EVL: variants seen among roughly 807,000 people sequenced by gnomAD.
EVL encodes the protein ena/VASP-like protein.
Under a neutral mutation model 59.6 loss-of-function variants are expected in EVL, and 21 were observed. The observed-to-expected ratio is 0.35, with a 90% CI of 0.25 to 0.51. The LOEUF is 0.51. Among genes scored for constraint, EVL ranks in the 20% least tolerant of loss-of-function variants. EVL has a pLI of 0.97. For synonymous variants in EVL, 198 were observed against 203.5 expected, an observed-to-expected ratio of 0.97 and a Z score of 0.23; for missense variants, 462 against 546.6, an observed-to-expected ratio of 0.85 and a Z score of 1.54.
chr14:100,007,608 C>T (rs2060990839), intron 1 of EVL, among the ~76,000 whole-genome samples: 1 of 152,206 alleles, frequency 6.6e-6, no homozygotes, highest in African/African-American at 2.4e-5. Context: ...GAGTGACTGG[C>T]CAAGGGGCCT....
At chr14:100,019,989 A>G (rs1761789582) in intron 1 of EVL, among the ~76,000 whole-genome samples, 1 of 152,130 alleles carries the variant, frequency 6.6e-6, no homozygotes. Context: ...GTGAATACAG[A>G]ATAGCAACTG....
At chr14:99,986,851 C>T (rs150315913) in intron 1 of EVL, among the ~76,000 whole-genome samples, 1 of 152,272 alleles carries the variant, frequency 6.6e-6, no homozygotes, top group African/African-American at 2.4e-5. Context: ...AAAGTACCCA[C>T]ATACAAAAGA....
At chr14:100,061,923 G>C (rs553803742), upstream of EVL, among the ~76,000 whole-genome samples, 1 of 152,044 alleles carries the variant, frequency 6.6e-6, no homozygotes, top group East Asian at 1.9e-4. Flanking sequence ...AGAGGAAAAG[G>C]AGGGGTTGGT....
chr14:99,991,701 C>T (rs780403506), intron 1 of EVL, among the ~76,000 whole-genome samples: 20 of 151,750 alleles, frequency 1.3e-4, no homozygotes, highest in Non-Finnish European at 2.5e-4. Flanking sequence ...TCGGGGTAAA[C>T]GCAGCAACCA....
chr14:100,065,867 C>T (rs1218740331), intron 1 of EVL, among the ~76,000 whole-genome samples: 1 of 152,166 alleles, frequency 6.6e-6, no homozygotes, highest in East Asian at 1.9e-4. Flanking sequence ...TTGGTGAGTC[C>T]TGGCCCTTCT....
chr14:100,129,444 T>A, intron 6 of EVL, 119 bp from the exon 7 acceptor site: 5 of 1,448,494 alleles, frequency 3.5e-6, no homozygotes, highest in Non-Finnish European at 4.7e-6. Flanking sequence ...CTGAGGCCCC[T>A]TGCAGTGCTG....
chr14:100,038,383 A>G (rs762167637), intron 1 of EVL, among the ~76,000 whole-genome samples: 3 of 152,156 alleles, frequency 2.0e-5, no homozygotes, highest in Non-Finnish European at 4.4e-5. Flanking sequence ...AGAATATTTA[A>G]TTCTGACTTG....
chr14:100,061,181 A>G (rs1237254415), upstream of EVL, among the ~76,000 whole-genome samples: 1 of 152,074 alleles, frequency 6.6e-6, no homozygotes, highest in African/African-American at 2.4e-5. Flanking sequence ...CCTTGAGACC[A>G]GGAGTTTGAG....
rs1006130913 is a variant in EVL, at chr14:100,143,598, G to T, written c.1220-103G>T. 6.2e-5 allele frequency: 87 copies of T among 1,408,244 alleles called. 1 individual carries two copies. Among genetic ancestry groups the T allele is most frequent in the Non-Finnish European group, 7.0e-5 (71 of 1,014,002 alleles). The allele number at this position is 1,408,244 out of a possible 1,614,324, so 87.2% of individuals were successfully genotyped here. ...GTGGGGCTCCCAGGAGATGGAACAG[G>T]GACACATACCAGGCAGGTCCACGCC... On this transcript the variant is annotated intron_variant, in intron 13 of 13. Transcript: ENST00000392920.
chr14:100,051,971 C>T (rs1035234813), intron 1 of EVL, among the ~76,000 whole-genome samples: 3 of 152,156 alleles, frequency 2.0e-5, no homozygotes, highest in African/African-American at 4.8e-5. Flanking sequence ...CATAATACCT[C>T]GGTGGACCAA....
At chr14:100,105,858 A>T (rs543583536) in intron 3 of EVL, among the ~76,000 whole-genome samples, 14 of 152,258 alleles carry the variant, frequency 9.2e-5, no homozygotes, top group African/African-American at 2.9e-4. Context: ...CTGAATAGGG[A>T]ACATGCCTCC....
rs1379995303 is a variant in EVL, at chr14:100,108,229, A to C, written c.358+10571A>C. 6.6e-6 allele frequency: 1 copy of C among 152,168 alleles called. No homozygotes were observed. The highest frequency in any genetic ancestry group is 1.5e-5 in the Non-Finnish European group (1 of 68,040). 9.4% of individuals were successfully genotyped at this position (152,168 alleles called of 1,614,324 possible). On this transcript the variant is annotated intron_variant, in intron 3 of 13. Transcript: ENST00000392920. This position sits in a 1 kb window ranked among gnomAD's most constrained non-coding sequence, Gnocchi z 4.1. ...CCCGGGAAGAGTCAGGCCCAGCTCC[A>C]TGTGCTCTTTGGAGGGGAGTGGAAG... is the stretch of plus-strand genomic sequence containing the variant.
Position 100,098,898 on chromosome 14 carries a change from G to A in EVL, c.358+1240G>A, listed in dbSNP as rs537970537. Among the ~76,000 whole-genome samples the A allele has an allele frequency of 1.1e-3, 160 of 152,092 alleles. 1 individual carries two copies. Among genetic ancestry groups the A allele is most frequent in the African/African-American group, 3.8e-3 (158 of 41,530 alleles). On this transcript the variant is annotated intron_variant, in intron 3 of 13. Transcript: ENST00000392920. ...ATTTAAATGAACTAGAATGTAAAATGTTTCTCAGGTTGCCTGGCCTAGTAA... is the reference window on the plus strand; with the variant it reads ...ATTTAAATGAACTAGAATGTAAAATATTTCTCAGGTTGCCTGGCCTAGTAA...
chr14:100,007,865 T>C (rs1477918512), intron 1 of EVL, among the ~76,000 whole-genome samples: 1 of 152,100 alleles, frequency 6.6e-6, no homozygotes, highest in East Asian at 1.9e-4. Flanking sequence ...GGTTCTGCCC[T>C]CCCACTATTA....
upstream of EVL, among the ~76,000 whole-genome samples, chr14:100,060,430 C>CAAAA (rs58767352): frequency 3.1e-5 from 2 of 63,622 alleles, no homozygotes; most frequent in African/African-American, 5.4e-5. Flanking sequence ...GACTCCGTCT[C>CAAAA]AAAAAAAAAA....
chr14:100,133,558 C>T (rs1002555507), intron 8 of EVL, among the ~76,000 whole-genome samples: 1 of 152,216 alleles, frequency 6.6e-6, no homozygotes, highest in Non-Finnish European at 1.5e-5. Context: ...GCCTCTCAGC[C>T]CCGTCCTGGG....
chr14:100,078,608 G>C (rs999534693), intron 1 of EVL, among the ~76,000 whole-genome samples: 1 of 152,124 alleles, frequency 6.6e-6, no homozygotes, highest in Non-Finnish European at 1.5e-5. Flanking sequence ...AATGGAGAGA[G>C]CAAGTGACAA....
intron 1 of EVL, among the ~76,000 whole-genome samples, chr14:100,001,845 A>T (rs2140185399): frequency 6.6e-6 from 1 of 152,358 alleles, no homozygotes; most frequent in South Asian, 2.1e-4. Context: ...TCCTTAAAGG[A>T]AAGCATACCA....
At chr14:99,997,778 C>G (rs556121978) in intron 1 of EVL, among the ~76,000 whole-genome samples, 59 of 152,324 alleles carry the variant, frequency 3.9e-4, no homozygotes, top group Non-Finnish European at 7.3e-4. Flanking sequence ...AACCTCTGCC[C>G]TACTCTTCAT....
Sources: allele counts gnomAD v4.1 joint callset (sites outside exome capture counted in the v4.1 genomes callset), GRCh38; gene constraint gnomAD v4.1.1; non-coding constraint Gnocchi (gnomAD v3.1); transcripts MANE v1.5; gene names NCBI Gene and HGNC (gene_info 2026-07-23, HGNC 2026-07-21).